INTS10: variants seen among roughly 807,000 people sequenced by gnomAD.
The protein encoded by INTS10 is chromosome 8 open reading frame 35.
Under a neutral mutation model 94.4 loss-of-function variants are expected in INTS10, and 44 were observed. The observed-to-expected ratio is 0.47, with a 90% CI of 0.37 to 0.60. The LOEUF (loss-of-function observed/expected upper bound fraction) is 0.60. Ranked by LOEUF, INTS10 falls within the 20% of genes least tolerant of loss-of-function variation. The pLI is 0.00. For missense variants in INTS10, 797 were observed against 868.7 expected (o/e 0.92, Z 1.04); for synonymous variants, 341 against 320.7 (o/e 1.06, Z -0.68).
intron 8 of INTS10, 95 bp from the exon 9 acceptor site, chr8:19,826,331 C>G: frequency 7.6e-7 from 1 of 1,313,658 alleles, no homozygotes; most frequent in Non-Finnish European, 1.0e-6. Context: ...ATCCTCCTGC[C>G]TCAGCCTCCC....
At chr8:19,817,689 G>C (rs1447607345) in intron 1 of INTS10, 23 bp downstream of exon 1, 12 of 1,595,684 alleles carry the variant, frequency 7.5e-6, no homozygotes, top group Non-Finnish European at 7.7e-6. Context: ...CTGTGCATGC[G>C]GCCGCTCTGC....
chr8:19,845,089 G>A (rs567631341), intron 15 of INTS10, among the ~76,000 whole-genome samples: 106 of 152,090 alleles, frequency 7.0e-4, no homozygotes, highest in Non-Finnish European at 1.3e-3. Context: ...ACCATGGTTT[G>A]GGACAGATAT....
At chr8:19,819,787 T>C (rs1353507455) in intron 3 of INTS10, 111 bp downstream of exon 3, 1 of 753,466 alleles carries the variant, frequency 1.3e-6, no homozygotes, top group Non-Finnish European at 2.2e-6. Context: ...GTATGTTTTA[T>C]TCTTGGCAAC....
intron 9 of INTS10, among the ~76,000 whole-genome samples, chr8:19,828,348 A>G (rs191617919): frequency 6.6e-6 from 1 of 152,176 alleles, no homozygotes; most frequent in African/African-American, 2.4e-5. Flanking sequence ...GGTGGCCCAC[A>G]TCAGTTCTCC....
chr8:19,851,078 C>A lies in INTS10; in HGVS notation c.1977-571C>A, dbSNP rs1050052671. Among the ~76,000 whole-genome samples, 1 of 152,200 alleles carries A rather than the reference C, an allele frequency of 6.6e-6. No individual in the cohort carries two copies. The highest frequency in any genetic ancestry group is 1.5e-5 in the Non-Finnish European group (1 of 68,036). On this transcript the variant is annotated intron_variant, in intron 16 of 16. Coordinates refer to ENST00000397977, the MANE Select transcript of INTS10 (RefSeq NM_018142.4). The surrounding 1 kb of genome is among the most constrained non-coding windows in gnomAD (Gnocchi z 5.0). ...CAACATATGAGAGTCTAGATGGGCA[C>A]AGCATTTAGAGGAGCTGCCCTATTC...
At chr8:19,822,711 G>T (rs1453574606) in intron 5 of INTS10, among the ~76,000 whole-genome samples, 191 bp downstream of exon 5, 3 of 152,064 alleles carry the variant, frequency 2.0e-5, no homozygotes, top group Non-Finnish European at 4.4e-5. Context: ...TAGCACTTAA[G>T]GAGGCCAAGG....
At position 19,844,119 on chromosome 8, in the gene INTS10, A is replaced by C; in HGVS notation, c.1763A>C (p.His588Pro). 6.2e-7 allele frequency: 1 copy of C among 1,613,932 alleles called. No homozygotes were observed. The highest frequency in any genetic ancestry group is 8.5e-7 in the Non-Finnish European group (1 of 1,179,860). Residue 588 changes from histidine (H) to proline (P), a missense_variant, in exon 15 of 17, where the codon CAT becomes CCT. This residue lies in a region of INTS10 where 734 missense variants were observed against 787.8 expected (regional missense o/e 0.93). Coordinates refer to ENST00000397977, the MANE Select transcript of INTS10 (RefSeq NM_018142.4). ...AACAGAGACGACATGGCATTGGGGC[A>C]TGTGATTGTGTTGCTTCAGCAAGAG... ...TDNRDDMALG[H>P]VIVLLQQEWP...
chr8:19,845,825 T>G lies in INTS10; in HGVS notation c.1976+28T>G, dbSNP rs543074619. On this transcript the variant is annotated intron_variant, in intron 16 of 16. Coordinates refer to ENST00000397977, the MANE Select transcript of INTS10 (RefSeq NM_018142.4). Reference sequence around the variant, plus strand: ...AAGCATGTTCTCTTTTGCTCTTCCATGCTGAGTGCTCACCTTTTGTGTCTT... The same window carrying G: ...AAGCATGTTCTCTTTTGCTCTTCCAGGCTGAGTGCTCACCTTTTGTGTCTT... The G allele has an allele frequency of 4.8e-6, 7 of 1,455,686 alleles. No individual in the cohort carries two copies. The South Asian group carries it at 6.8e-5, about 14-fold the overall frequency. The allele number at this position is 1,455,686 out of a possible 1,614,324, so 90.2% of individuals were successfully genotyped here.
chr8:19,833,334 C>T lies in INTS10; in HGVS notation c.1530+13C>T, dbSNP rs907607912. 6 of 1,545,046 alleles carry T rather than the reference C, an allele frequency of 3.9e-6. No individual in the cohort carries two copies. The African/African-American group carries it at 7.0e-5, about 18-fold the overall frequency. ...AGGGGAGTACAGAGTGAGTACTGCA[C>T]ACATACATGCCTGCCGCAGGTGCAC... is the stretch of plus-strand genomic sequence containing the variant. On this transcript the variant is annotated intron_variant, in intron 12 of 16. Transcript: ENST00000397977.
At chr8:19,832,814 C>G (rs917701443) in intron 11 of INTS10, among the ~76,000 whole-genome samples, 4 of 152,200 alleles carry the variant, frequency 2.6e-5, no homozygotes, top group African/African-American at 9.7e-5. Context: ...CAGGTTGCTG[C>G]TTCCATCCTT....
intron 7 of INTS10, chr8:19,824,541 T>C: frequency 2.8e-6 from 1 of 360,238 alleles, no homozygotes; most frequent in Non-Finnish European, 4.9e-6. Context: ...AAATATGAAC[T>C]CTTAAGACGA....
Position 19,851,035 on chromosome 8 carries a change from CTCCCGCTGCG to C in INTS10, c.1977-612_1977-603del, listed in dbSNP as rs1220032543. 2.0e-5 allele frequency among the ~76,000 whole-genome samples: 3 copies of C among 152,198 alleles called. No individual in the cohort carries two copies. Among genetic ancestry groups the C allele is most frequent in the African/African-American group, 7.2e-5 (3 of 41,456 alleles). ...CCACATTCTTGTGTCAGGACCCCACCTCCCGCTGCGTTTTCTTCAACATATGAGAGTCTAG... is the reference window on the plus strand; with the variant it reads ...CCACATTCTTGTGTCAGGACCCCACCTTTTCTTCAACATATGAGAGTCTAG... On this transcript the variant is annotated intron_variant, in intron 16 of 16. Transcript: ENST00000397977. This position sits in a 1 kb window ranked among gnomAD's most constrained non-coding sequence, Gnocchi z 5.0.
At chr8:19,832,903 G>T (rs1045338663) in intron 11 of INTS10, among the ~76,000 whole-genome samples, 1 of 152,102 alleles carries the variant, frequency 6.6e-6, no homozygotes, top group Non-Finnish European at 1.5e-5. Flanking sequence ...ACAGGGCCTG[G>T]TTATTTTCTT....
chr8:19,825,424 C>G (rs12334855), intron 8 of INTS10, among the ~76,000 whole-genome samples: 118,030 of 151,680 alleles, frequency 0.78, 46,076 homozygotes, highest in African/African-American at 0.82. Flanking sequence ...TACTTGGGAA[C>G]CTGAGGCAGG....
In INTS10 at chr8:19,817,473, C is replaced by A. The variant is rs1038466699; in HGVS notation, c.-65C>A. On this transcript the variant is annotated 5_prime_UTR_variant, in exon 1 of 17. Transcript: ENST00000397977. ...GCGGCGGCGGCGGTGGCTGCCGTGG[C>A]GGCTGAGAGTCCAGAGCCGGACGTT... 25 of 1,553,046 alleles carry A rather than the reference C, an allele frequency of 1.6e-5. No homozygotes were observed. Among genetic ancestry groups the A allele is most frequent in the Admixed American group, 1.9e-5 (1 of 51,786 alleles).
At chr8:19,818,665 C>T (rs1158931715) in intron 2 of INTS10, 1 of 340,276 alleles carries the variant, frequency 2.9e-6, no homozygotes, top group Non-Finnish European at 5.6e-6. Flanking sequence ...TAAACTGAAC[C>T]AGAGTTAAGT....
Position 19,843,980 on chromosome 8 carries a change from A to C in INTS10, c.1720-96A>C, listed in dbSNP as rs192414167. 65 of 911,950 alleles carry C rather than the reference A, an allele frequency of 7.1e-5. 1 individual carries two copies. In the Admixed American group the frequency reaches 1.0e-3, roughly 14 times the overall value. The allele number at this position is 911,950 out of a possible 1,614,324, so 56.5% of individuals were successfully genotyped here. On this transcript the variant is annotated intron_variant, in intron 14 of 16. Coordinates refer to ENST00000397977, the MANE Select transcript of INTS10 (RefSeq NM_018142.4). The surrounding 1 kb of genome is among the most constrained non-coding windows in gnomAD (Gnocchi z 4.7). The stretch of plus-strand genomic sequence containing the variant: ...CTAATGACGTTTATCACACATTTGC[A>C]TATACAGCATATTTTTGGAAAGTGA...
At chr8:19,844,705 C>A in intron 15 of INTS10, among the ~76,000 whole-genome samples, 1 of 152,180 alleles carries the variant, frequency 6.6e-6, no homozygotes, top group East Asian at 1.9e-4. Context: ...AGATGCTGCA[C>A]AGCACAGTAG....
chr8:19,847,479 G>C (rs779074032), intron 16 of INTS10, among the ~76,000 whole-genome samples: 3 of 152,132 alleles, frequency 2.0e-5, no homozygotes, highest in Non-Finnish European at 4.4e-5. Context: ...TTTGAAACTG[G>C]ATATACAAAT....
Sources: gnomAD v4.1 joint callset for allele counts (sites outside exome capture counted in the v4.1 genomes callset) on GRCh38, gnomAD v4.1.1 for gene constraint, gnomAD v4.1.1 regional missense constraint, Gnocchi (gnomAD v3.1) non-coding constraint, MANE v1.5 for transcripts, NCBI Gene and HGNC (gene_info 2026-07-23, HGNC 2026-07-21) for gene names.